The following ANKFN1 variants were observed in gnomAD, a reference collection of about 807,000 sequenced individuals.
The protein encoded by ANKFN1 is ankyrin repeat and fibronectin type III domain containing 1, also known as ankyrin repeat and fibronectin type-III domain-containing protein 1.
Under a neutral mutation model 108.7 loss-of-function variants are expected in ANKFN1, and 74 were observed. The ratio of observed to expected loss-of-function variants is 0.68; its 90% confidence interval spans 0.56 to 0.83. The LOEUF is 0.83. ANKFN1 is among the 40% of genes least tolerant of loss of function. The pLI is 0.00. For synonymous variants in ANKFN1, 547 were observed against 516.2 expected, an observed-to-expected ratio of 1.06 and a Z score of -0.81; for missense variants, 1,505 against 1,382.3, an observed-to-expected ratio of 1.09 and a Z score of -1.41.
intron 15 of ANKFN1, among the ~76,000 whole-genome samples, chr17:56,475,197 A>C (rs1436588695): frequency 6.6e-6 from 1 of 152,220 alleles, no homozygotes. Flanking sequence ...CGAAAGAAAA[A>C]TATAAGTACT....
chr17:56,151,127 T>A (rs1338472279), upstream of ANKFN1, among the ~76,000 whole-genome samples: 1 of 152,158 alleles, frequency 6.6e-6, no homozygotes, highest in African/African-American at 2.4e-5. Context: ...CAGCCACCTC[T>A]CTGGTCCTCA....
intron 15 of ANKFN1, among the ~76,000 whole-genome samples, chr17:56,468,604 G>A (rs1369058924): frequency 6.7e-6 from 1 of 149,724 alleles, no homozygotes; most frequent in Non-Finnish European, 1.5e-5. Flanking sequence ...TTCCGTCCTG[G>A]GAGCCATCTG....
chr17:56,064,459 T>C (rs928865862), intron 4 of ANKFN1, among the ~76,000 whole-genome samples: 1 of 152,204 alleles, frequency 6.6e-6, no homozygotes, highest in Non-Finnish European at 1.5e-5. Context: ...AGGGAAGCCC[T>C]GCCCAGTGAG....
At chr17:56,206,819 T>C (rs982478439) in intron 1 of ANKFN1, 3 of 152,208 alleles carry the variant, frequency 2.0e-5, no homozygotes, top group Non-Finnish European at 4.4e-5. Context: ...GAGACACTCC[T>C]CTCTACTTGC....
chr17:56,123,044 A>G (rs548406068), intron 4 of ANKFN1, among the ~76,000 whole-genome samples: 2 of 152,270 alleles, frequency 1.3e-5, no homozygotes, highest in Non-Finnish European at 2.9e-5. Context: ...CAGGAACTTT[A>G]CTAAGCATTT....
Position 56,364,930 on chromosome 17 carries a change from G to A in ANKFN1, c.602-7716G>A, listed in dbSNP as rs553348681. Among the ~76,000 whole-genome samples the A allele has an allele frequency of 2.0e-5, 3 of 152,304 alleles. No homozygotes were observed. In the East Asian group the frequency reaches 5.8e-4, roughly 29 times the overall value. On this transcript the variant is annotated intron_variant, in intron 6 of 20. Transcript: ENST00000682825. ...AAATCTGAAAATGTAATAACAGCTTGAGACCTAAGTGAAGCCAAAATGAGT... is the reference window on the plus strand; with the variant it reads ...AAATCTGAAAATGTAATAACAGCTTAAGACCTAAGTGAAGCCAAAATGAGT...
intron 20 of ANKFN1, among the ~76,000 whole-genome samples, chr17:56,510,121 C>A (rs2051696291): frequency 6.6e-6 from 1 of 152,174 alleles, no homozygotes; most frequent in South Asian, 2.1e-4. Context: ...TAACATTTAG[C>A]TTTCTAGCCT....
chr17:56,403,894 A>G (rs1006418122), intron 8 of ANKFN1, among the ~76,000 whole-genome samples: 2 of 152,102 alleles, frequency 1.3e-5, no homozygotes, highest in African/African-American at 4.8e-5. Flanking sequence ...GTTTTTCTGA[A>G]AAAGACTGTA....
At chr17:56,263,860 C>A (rs570472616) in intron 3 of ANKFN1, among the ~76,000 whole-genome samples, 1 of 152,198 alleles carries the variant, frequency 6.6e-6, no homozygotes, top group Non-Finnish European at 1.5e-5. Context: ...TAACCTCCAT[C>A]CCAAAGGACT....
chr17:56,098,434 ACACACGCG>A (rs1015105769), intron 4 of ANKFN1, among the ~76,000 whole-genome samples: 9 of 148,014 alleles, frequency 6.1e-5, no homozygotes, highest in East Asian at 3.9e-4. Context: ...ACACACACAC[ACACACGCG>A]CGCGCACATA....
chr17:56,260,755 G>A (rs1461863756), intron 3 of ANKFN1, among the ~76,000 whole-genome samples: 1 of 152,134 alleles, frequency 6.6e-6, no homozygotes, highest in Non-Finnish European at 1.5e-5. Flanking sequence ...GTAGAAGCAT[G>A]GCTGTTTGGG....
At chr17:56,200,944 A>G (rs1306095236) in intron 1 of ANKFN1, among the ~76,000 whole-genome samples, 1 of 152,216 alleles carries the variant, frequency 6.6e-6, no homozygotes, top group East Asian at 1.9e-4. Flanking sequence ...TAAAAGGATT[A>G]ATTTCTGTGG....
intron 8 of ANKFN1, among the ~76,000 whole-genome samples, chr17:56,434,877 G>T (rs2145133426): frequency 6.6e-6 from 1 of 152,216 alleles, no homozygotes; most frequent in South Asian, 2.1e-4. Context: ...ATAATGCTCT[G>T]GTGCTGGGTT....
intron 20 of ANKFN1, among the ~76,000 whole-genome samples, chr17:56,502,445 T>G (rs2051403952): frequency 6.6e-6 from 1 of 152,246 alleles, no homozygotes; most frequent in South Asian, 2.1e-4. Context: ...TGGGTCCATT[T>G]ACTTCTTGGA....
At chr17:56,082,135 G>C (rs1905253122) in intron 4 of ANKFN1, among the ~76,000 whole-genome samples, 1 of 152,144 alleles carries the variant, frequency 6.6e-6, no homozygotes, top group Admixed American at 6.5e-5. Flanking sequence ...TGTCTGACTA[G>C]CTACCAGTTA....
At chr17:56,443,446 C>G (rs2049180536) in intron 10 of ANKFN1, among the ~76,000 whole-genome samples, 1 of 152,198 alleles carries the variant, frequency 6.6e-6, no homozygotes, top group Middle Eastern at 3.2e-3. Context: ...TTTCATAGGG[C>G]TTTTGTGGGG....
chr17:56,301,651 C>T (rs1028667155), intron 3 of ANKFN1, among the ~76,000 whole-genome samples: 4 of 152,208 alleles, frequency 2.6e-5, no homozygotes, highest in African/African-American at 7.2e-5. Flanking sequence ...ATGATGAAGA[C>T]ACAGAGCTTT....
intron 1 of ANKFN1, among the ~76,000 whole-genome samples, chr17:56,188,515 A>G (rs1243256497): frequency 1.5e-5 from 2 of 134,982 alleles, no homozygotes; most frequent in Non-Finnish European, 3.1e-5. Context: ...TGCATTTCTT[A>G]TTATATATAA....
At chr17:56,477,249 G>A (rs1481928455) in intron 15 of ANKFN1, among the ~76,000 whole-genome samples, 2 of 152,004 alleles carry the variant, frequency 1.3e-5, no homozygotes, top group Non-Finnish European at 2.9e-5. Context: ...GAAATCTTAG[G>A]CAAATAAGCA....
Sources: gnomAD v4.1 joint callset for allele counts (sites outside exome capture counted in the v4.1 genomes callset) on GRCh38, gnomAD v4.1.1 for gene constraint, MANE v1.5 for transcripts, NCBI Gene and HGNC (gene_info 2026-07-23, HGNC 2026-07-21) for gene names.